PTPRD: variants seen among roughly 807,000 people sequenced by gnomAD.
PTPRD encodes protein tyrosine phosphatase receptor type D.
PTPRD carries 34 observed loss-of-function variants against 214.5 expected under a neutral mutation model. The observed-to-expected ratio is 0.16, with a 90% CI of 0.12 to 0.21. PTPRD has a LOEUF of 0.21. PTPRD is among the 10% of genes least tolerant of loss of function. The pLI is 1.00. For missense variants in PTPRD, 2,545 were observed against 2,398.7 expected (o/e 1.06, Z -1.27); for synonymous variants, 1,128 against 845.7 (o/e 1.33, Z -5.79).
intron 11 of PTPRD, among the ~76,000 whole-genome samples, chr9:8,886,900 T>G (rs1022994948): frequency 6.6e-6 from 1 of 152,214 alleles, no homozygotes; most frequent in African/African-American, 2.4e-5. Context: ...CATTTCTATT[T>G]TGTTCGGTTC....
At chr9:8,811,425 G>A (rs1255410294) in intron 11 of PTPRD, among the ~76,000 whole-genome samples, 2 of 152,138 alleles carry the variant, frequency 1.3e-5, no homozygotes, top group African/African-American at 2.4e-5. Flanking sequence ...TCTGCCAACT[G>A]AATTAGTCCC....
intron 8 of PTPRD, among the ~76,000 whole-genome samples, chr9:9,413,100 C>CTTTTTTTTTTTTTTTTTTTTTTTTTTT (rs5896325): frequency 4.8e-5 from 3 of 63,026 alleles, no homozygotes; most frequent in East Asian, 6.6e-4. Flanking sequence ...CTTGCAGCTT[C>CTTTTTTTTTTTTTTTTTTTTTTTTTTT]TTTTTTTTTT....
At chr9:10,441,962 C>T (rs1479684529) in intron 2 of PTPRD, among the ~76,000 whole-genome samples, 2 of 151,362 alleles carry the variant, frequency 1.3e-5, no homozygotes, top group Non-Finnish European at 3.0e-5. Context: ...TGTCTGATGA[C>T]TAAAAAAACT....
intron 5 of PTPRD, among the ~76,000 whole-genome samples, chr9:9,889,301 A>ACTC (rs1463130242): frequency 6.6e-6 from 1 of 152,208 alleles, no homozygotes. Flanking sequence ...CTGTGAGGTA[A>ACTC]TGAATGTGTT....
intron 2 of PTPRD, among the ~76,000 whole-genome samples, chr9:10,470,587 G>C (rs952754091): frequency 6.6e-6 from 1 of 152,076 alleles, no homozygotes; most frequent in South Asian, 2.1e-4. Flanking sequence ...GTAATAAATG[G>C]GATAGACTAG....
chr9:10,434,956 C>A (rs12347543), intron 2 of PTPRD, among the ~76,000 whole-genome samples: 13,926 of 151,766 alleles, frequency 0.092, 935 homozygotes, highest in Admixed American at 0.18. Context: ...CTCTATGCTA[C>A]CCCGAGCGCT....
chr9:8,909,140 A>G (rs2098729125), intron 11 of PTPRD, among the ~76,000 whole-genome samples: 2 of 152,026 alleles, frequency 1.3e-5, no homozygotes, highest in South Asian at 4.1e-4. Flanking sequence ...GGAATTAAAA[A>G]TCTTCTCATA....
chr9:9,221,801 C>T (rs1487419555), intron 9 of PTPRD, among the ~76,000 whole-genome samples: 4 of 151,944 alleles, frequency 2.6e-5, no homozygotes, highest in Non-Finnish European at 5.9e-5. Flanking sequence ...TCACGTGTAG[C>T]AGAAGAAGAC....
At chr9:10,017,874 A>G (rs79258128) in intron 4 of PTPRD, among the ~76,000 whole-genome samples, 4,342 of 152,174 alleles carry the variant, frequency 0.029, 124 homozygotes, top group Admixed American at 0.089. Flanking sequence ...CCAACACTCA[A>G]ATGAAGATTA....
intron 11 of PTPRD, among the ~76,000 whole-genome samples, chr9:8,769,395 A>G (rs1334723828): frequency 6.6e-6 from 1 of 152,236 alleles, no homozygotes; most frequent in Admixed American, 6.5e-5. Flanking sequence ...ACTCACTCCA[A>G]GTTTTAACCT....
chr9:10,164,921 T>C (rs1169062379), intron 3 of PTPRD, among the ~76,000 whole-genome samples: 6 of 150,814 alleles, frequency 4.0e-5, no homozygotes, highest in Non-Finnish European at 5.9e-5. Flanking sequence ...ATAGCATACA[T>C]CTGATTCATC....
intron 3 of PTPRD, among the ~76,000 whole-genome samples, chr9:10,120,875 A>G (rs2098769327): frequency 6.6e-6 from 1 of 152,092 alleles, no homozygotes; most frequent in Non-Finnish European, 1.5e-5. Flanking sequence ...GCCCCCTTCC[A>G]TAGTAATAAT....
intron 11 of PTPRD, among the ~76,000 whole-genome samples, chr9:8,885,734 C>T (rs1186720133): frequency 2.0e-5 from 3 of 151,852 alleles, no homozygotes; most frequent in African/African-American, 4.8e-5. Flanking sequence ...TGATCTCAGG[C>T]GAACCACCCA....
intron 7 of PTPRD, among the ~76,000 whole-genome samples, chr9:9,635,620 T>A (rs2095741271): frequency 6.6e-6 from 1 of 152,192 alleles, no homozygotes; most frequent in Non-Finnish European, 1.5e-5. Flanking sequence ...TCCTGTAACC[T>A]GTCAGCCTTG....
intron 11 of PTPRD, among the ~76,000 whole-genome samples, chr9:8,838,795 A>T (rs2570294): frequency 0.025 from 3,808 of 152,220 alleles, 158 homozygotes; most frequent in African/African-American, 0.085. Context: ...GGATCATGTG[A>T]CTGAAGAATG....
At chr9:8,471,332 A>G (rs566438317) in intron 30 of PTPRD, among the ~76,000 whole-genome samples, 3 of 152,140 alleles carry the variant, frequency 2.0e-5, no homozygotes, top group Non-Finnish European at 4.4e-5. Flanking sequence ...GCTCTTTATT[A>G]GGTATCATAA....
chr9:9,238,760 C>G (rs116521471), intron 9 of PTPRD, among the ~76,000 whole-genome samples: 1 of 152,122 alleles, frequency 6.6e-6, no homozygotes. Context: ...GCATTTTACT[C>G]TTATGCTTTT....
chr9:9,229,158 T>C (rs186088519), intron 9 of PTPRD, among the ~76,000 whole-genome samples: 72 of 152,292 alleles, frequency 4.7e-4, no homozygotes, highest in African/African-American at 1.6e-3. Flanking sequence ...ATATTCTTGG[T>C]CTAAATATAG....
At chr9:10,611,870 T>C (rs1437475463) in intron 2 of PTPRD, among the ~76,000 whole-genome samples, 1 of 151,836 alleles carries the variant, frequency 6.6e-6, no homozygotes, top group East Asian at 1.9e-4. Flanking sequence ...TTTCATCTGG[T>C]CTTTCAAACC....
Sources: gnomAD v4.1 joint callset for allele counts (sites outside exome capture counted in the v4.1 genomes callset) on GRCh38, gnomAD v4.1.1 for gene constraint, MANE v1.5 for transcripts, NCBI Gene and HGNC (gene_info 2026-07-23, HGNC 2026-07-21) for gene names.